The following PHACTR1 variants were observed in gnomAD, a reference collection of about 807,000 sequenced individuals.
The protein encoded by PHACTR1 is RPEL repeat containing 1.
A neutral mutation model predicts 69.2 loss-of-function variants in PHACTR1; 16 were observed. The observed-to-expected ratio is 0.23, with a 90% CI of 0.16 to 0.35. The LOEUF is 0.35. Ranked by LOEUF, PHACTR1 falls within the 10% of genes least tolerant of loss-of-function variation. The probability of loss-of-function intolerance (pLI) is 1.00; values close to 1 mark genes in which losing one functional copy is unlikely to be tolerated. For missense variants in PHACTR1, 510 were observed against 734.7 expected (o/e 0.69, Z 3.54); for synonymous variants, 312 against 284.5 (o/e 1.10, Z -0.97).
chr6:13,263,342 T>TTAA (rs1172158230), intron 10 of PHACTR1, among the ~76,000 whole-genome samples: 1 of 79,716 alleles, frequency 1.3e-5, no homozygotes, highest in Admixed American at 1.6e-4. Flanking sequence ...TTGTTCAGAC[T>TTAA]GAAAAAAAAA....
chr6:12,774,740 T>A (rs1473638179), intron 4 of PHACTR1, among the ~76,000 whole-genome samples: 3 of 152,206 alleles, frequency 2.0e-5, no homozygotes, highest in Admixed American at 1.3e-4. Context: ...GTCAAGGCTT[T>A]AAGTATCTGT....
rs180817343 is a variant in PHACTR1, at chr6:12,916,848, A to T, written c.251-136517A>T. 3.3e-5 allele frequency among the ~76,000 whole-genome samples: 5 copies of T among 152,328 alleles called. No individual in the cohort carries two copies. The East Asian group carries it at 9.6e-4, about 29-fold the overall frequency. ...TGCTAACTCAAAATGATTAATAACT[A>T]ATAAATCTCAGGAGAATTGGATATT... On this transcript the variant is annotated intron_variant, in intron 4 of 14. Transcript: ENST00000332995.
intron 4 of PHACTR1, among the ~76,000 whole-genome samples, chr6:13,010,382 T>C (rs1024648530): frequency 3.3e-5 from 5 of 152,130 alleles, no homozygotes; most frequent in Non-Finnish European, 7.4e-5. Flanking sequence ...CCAGCCTCAG[T>C]GCCCCAAAGT....
intron 13 of PHACTR1, among the ~76,000 whole-genome samples, chr6:13,284,908 CTG>C (rs1242227480): frequency 6.6e-6 from 1 of 152,186 alleles, no homozygotes; most frequent in East Asian, 1.9e-4. Flanking sequence ...GTGTGGAAGA[CTG>C]TGCCCTCCTC....
In PHACTR1 at chr6:13,250,467, G is replaced by A. The variant is rs9473788; in HGVS notation, c.1391+20274G>A. Among the ~76,000 whole-genome samples, 1,310 of 152,294 alleles carry A rather than the reference G, an allele frequency of 8.6e-3. 14 individuals carry two copies. Among genetic ancestry groups the A allele is most frequent in the African/African-American group, 0.029 (1,217 of 41,552 alleles). On this transcript the variant is annotated intron_variant, in intron 10 of 14. Coordinates refer to ENST00000332995, the MANE Select transcript of PHACTR1 (RefSeq NM_030948.6). ...GTTTTTCAAACTTGATTTATTACCT[G>A]AGCAGTTAGAAAAGCTACTTCAAGG... is the stretch of plus-strand genomic sequence containing the variant.
chr6:13,048,522 TTGTGTGTGTG>T (rs70989824), intron 4 of PHACTR1, among the ~76,000 whole-genome samples: 1 of 142,880 alleles, frequency 7.0e-6, no homozygotes, highest in Non-Finnish European at 1.5e-5. Context: ...TTCCATTTCT[TTGTGTGTGTG>T]TGTGTGTGTG....
rs562446367 is a variant in PHACTR1, at chr6:12,743,933, G to T, written c.104-5711G>T. On this transcript the variant is annotated intron_variant, in intron 3 of 14. Coordinates refer to ENST00000332995, the MANE Select transcript of PHACTR1 (RefSeq NM_030948.6). ...AAAGCACTCCTCAGCAAATGTAAAAGAACAGAAATTATAACAAACTGTCTC... is the reference window on the plus strand; with the variant it reads ...AAAGCACTCCTCAGCAAATGTAAAATAACAGAAATTATAACAAACTGTCTC... 4.2e-4 allele frequency among the ~76,000 whole-genome samples: 64 copies of T among 152,186 alleles called. 1 individual carries two copies. The highest frequency in any genetic ancestry group is 3.6e-3 in the Admixed American group (55 of 15,298).
intron 8 of PHACTR1, among the ~76,000 whole-genome samples, chr6:13,210,857 C>T (rs1434136020): frequency 2.0e-5 from 3 of 148,786 alleles, no homozygotes; most frequent in African/African-American, 7.4e-5. Flanking sequence ...AGATTATCTT[C>T]ATTCCCCTCA....
At chr6:12,748,492 A>G (rs907388355) in intron 3 of PHACTR1, among the ~76,000 whole-genome samples, 37 of 152,288 alleles carry the variant, frequency 2.4e-4, no homozygotes, top group Admixed American at 1.2e-3. Flanking sequence ...CAAAAAGACT[A>G]AGTTCCTACA....
At chr6:12,898,411 C>T (rs1385999893) in intron 4 of PHACTR1, among the ~76,000 whole-genome samples, 5 of 152,236 alleles carry the variant, frequency 3.3e-5, no homozygotes, top group Admixed American at 6.5e-5. Flanking sequence ...AACATGTCCC[C>T]GACTCAGCCT....
intron 3 of PHACTR1, among the ~76,000 whole-genome samples, chr6:12,740,448 C>A (rs1347079181): frequency 2.6e-5 from 4 of 152,086 alleles, no homozygotes; most frequent in Non-Finnish European, 5.9e-5. Context: ...CAGATTATAG[C>A]CTCATTGAGG....
intron 4 of PHACTR1, among the ~76,000 whole-genome samples, chr6:12,878,420 G>A (rs1474427161): frequency 2.6e-5 from 4 of 152,154 alleles, no homozygotes; most frequent in Admixed American, 2.0e-4. Flanking sequence ...GTACTTTAAC[G>A]GTAGAAAAAT....
At chr6:12,996,725 A>G (rs1287131279) in intron 4 of PHACTR1, among the ~76,000 whole-genome samples, 1 of 152,244 alleles carries the variant, frequency 6.6e-6, no homozygotes, top group Non-Finnish European at 1.5e-5. Context: ...TTAGAGTGAT[A>G]CAACCCTTGA....
intron 7 of PHACTR1, among the ~76,000 whole-genome samples, chr6:13,186,135 G>A (rs1051732856): frequency 1.3e-5 from 2 of 152,094 alleles, no homozygotes; most frequent in African/African-American, 2.4e-5. Flanking sequence ...TCCATCAAAC[G>A]GAACCATCTA....
At chr6:13,058,998 G>A (rs1246585487) in intron 5 of PHACTR1, among the ~76,000 whole-genome samples, 1 of 152,152 alleles carries the variant, frequency 6.6e-6, no homozygotes, top group Middle Eastern at 3.2e-3. Flanking sequence ...CTAATGTCTG[G>A]TGGTAGAAAA....
At chr6:13,116,214 A>T (rs1432173288) in intron 5 of PHACTR1, among the ~76,000 whole-genome samples, 1 of 152,230 alleles carries the variant, frequency 6.6e-6, no homozygotes, top group Non-Finnish European at 1.5e-5. Flanking sequence ...AATTGGAGGA[A>T]CATGCATTAA....
intron 4 of PHACTR1, among the ~76,000 whole-genome samples, chr6:13,032,035 G>A (rs1802523140): frequency 6.6e-6 from 1 of 152,166 alleles, no homozygotes; most frequent in African/African-American, 2.4e-5. Context: ...ATTTACTAGT[G>A]TAATGAAACA....
intron 4 of PHACTR1, among the ~76,000 whole-genome samples, chr6:12,881,947 A>C (rs1783141467): frequency 6.6e-6 from 1 of 152,180 alleles, no homozygotes; most frequent in East Asian, 1.9e-4. Context: ...GAGAGGTGGG[A>C]AATGAACCAG....
chr6:13,239,240 T>C (rs909377674), intron 10 of PHACTR1, among the ~76,000 whole-genome samples: 2 of 152,142 alleles, frequency 1.3e-5, no homozygotes, highest in Admixed American at 6.5e-5. Context: ...CAAACTGAAA[T>C]TGTGTGTTGG....
Sources: gnomAD v4.1 joint callset for allele counts (sites outside exome capture counted in the v4.1 genomes callset) on GRCh38, gnomAD v4.1.1 for gene constraint, MANE v1.5 for transcripts, NCBI Gene and HGNC (gene_info 2026-07-23, HGNC 2026-07-21) for gene names.